The following UPF2 variants were observed in gnomAD, a reference collection of about 807,000 sequenced individuals.
The protein encoded by UPF2 is UPF2 regulator of nonsense mediated mRNA decay.
UPF2 carries 17 observed loss-of-function variants against 141.4 expected under a neutral mutation model. The ratio of observed to expected loss-of-function variants is 0.12; its 90% confidence interval spans 0.08 to 0.18. UPF2 has a LOEUF of 0.18. Ranked by LOEUF, UPF2 falls within the 10% of genes least tolerant of loss-of-function variation. The pLI is 1.00. For synonymous variants in UPF2, 540 were observed against 498.0 expected (o/e 1.08, Z -1.12); for missense variants, 1,152 against 1,515.9 (o/e 0.76, Z 3.99).
At chr10:11,960,071 G>A (rs182824406) in intron 11 of UPF2, among the ~76,000 whole-genome samples, 439 of 152,150 alleles carry the variant, frequency 2.9e-3, no homozygotes, top group East Asian at 7.1e-3. Flanking sequence ...CTGACATTTC[G>A]AATTGGATAA....
chr10:12,003,198 C>T (rs1441216607), intron 5 of UPF2, among the ~76,000 whole-genome samples: 1 of 152,214 alleles, frequency 6.6e-6, no homozygotes, highest in Admixed American at 6.5e-5. Context: ...CTCCTGCCCA[C>T]ATGGAGCATG....
intron 4 of UPF2, among the ~76,000 whole-genome samples, chr10:12,007,730 C>A (rs985640934): frequency 2.6e-5 from 4 of 151,594 alleles, no homozygotes; most frequent in African/African-American, 9.7e-5. Context: ...ACTCAGGAGA[C>A]TGAGGCAGGA....
chr10:12,005,219 C>T (rs1273607640), intron 4 of UPF2, among the ~76,000 whole-genome samples: 1 of 151,958 alleles, frequency 6.6e-6, no homozygotes, highest in Non-Finnish European at 1.5e-5. Context: ...AGCATCCCTC[C>T]TTTTGGCATA....
rs763440674 is a variant in UPF2, at chr10:11,959,853, A to G, written c.2185-497T>C. On this transcript the variant is annotated intron_variant, in intron 11 of 21. Coordinates refer to ENST00000357604, the MANE Select transcript of UPF2 (RefSeq NM_015542.4). This position sits in a 1 kb window ranked among gnomAD's most constrained non-coding sequence, Gnocchi z 5.9. Reference sequence around the variant, plus strand: ...AGAGCATGTAAGCATACTAACTGTTATACTACTTATCATTTTTAGAACATA... The same window carrying G: ...AGAGCATGTAAGCATACTAACTGTTGTACTACTTATCATTTTTAGAACATA... Among the ~76,000 whole-genome samples, 1 of 152,226 alleles carries G rather than the reference A, an allele frequency of 6.6e-6. No individual in the cohort carries two copies. Among genetic ancestry groups the G allele is most frequent in the Non-Finnish European group, 1.5e-5 (1 of 68,034 alleles).
chr10:12,000,345 A>C (rs1316059913), intron 6 of UPF2, among the ~76,000 whole-genome samples: 1 of 152,164 alleles, frequency 6.6e-6, no homozygotes, highest in Non-Finnish European at 1.5e-5. Context: ...AGCACTCCCA[A>C]TTCTTGCCTT....
Position 11,953,894 on chromosome 10 carries a change from C to CA in UPF2, c.2850+1337dup, listed in dbSNP as rs1408025708. The stretch of plus-strand genomic sequence containing the variant: ...TATTTACCCCCAACTTAACACACGC[C>CA]ACCATGTGGATGTATTTTTGATACT... On this transcript the variant is annotated intron_variant, in intron 14 of 21. Transcript: ENST00000357604. The surrounding 1 kb of genome is among the most constrained non-coding windows in gnomAD (Gnocchi z 5.0). Among the ~76,000 whole-genome samples, 3 of 152,194 alleles carry CA rather than the reference C, an allele frequency of 2.0e-5. No individual in the cohort carries two copies. Among genetic ancestry groups the CA allele is most frequent in the Non-Finnish European group, 4.4e-5 (3 of 68,036 alleles).
chr10:11,954,931 T>C (rs1393616685), intron 14 of UPF2, among the ~76,000 whole-genome samples: 2 of 151,754 alleles, frequency 1.3e-5, no homozygotes, highest in African/African-American at 4.8e-5. Context: ...AATAAATTAC[T>C]GTATTAAATA....
chr10:11,938,842 G>GTTTTTTTTTTGTT (rs1378434129), intron 18 of UPF2, among the ~76,000 whole-genome samples: 6 of 45,860 alleles, frequency 1.3e-4, no homozygotes, highest in Admixed American at 2.4e-4. Context: ...TCTTAAGCAA[G>GTTTTTTTTTTGTT]TTTTTTTTTT....
Position 11,992,586 on chromosome 10 carries a change from A to G in UPF2, c.1844+5086T>C, listed in dbSNP as rs571587328. Among the ~76,000 whole-genome samples, 9 of 152,264 alleles carry G rather than the reference A, an allele frequency of 5.9e-5. No homozygotes were observed. Among genetic ancestry groups the G allele is most frequent in the South Asian group, 4.1e-4 (2 of 4,826 alleles). On this transcript the variant is annotated intron_variant, in intron 8 of 21. Coordinates refer to ENST00000357604, the MANE Select transcript of UPF2 (RefSeq NM_015542.4). The surrounding 1 kb of genome is among the most constrained non-coding windows in gnomAD (Gnocchi z 4.1). Reference sequence around the variant, plus strand: ...AAACATACACTCATGCGTGCACACTAAATTAAAAAATATAAAAGACCACAT... The same window carrying G: ...AAACATACACTCATGCGTGCACACTGAATTAAAAAATATAAAAGACCACAT...
chr10:12,027,116 A>G (rs1834432774), intron 3 of UPF2, among the ~76,000 whole-genome samples: 1 of 152,208 alleles, frequency 6.6e-6, no homozygotes, highest in African/African-American at 2.4e-5. Flanking sequence ...GGGAAGTTAA[A>G]TTTCCACCTG....
rs777530679 is a variant in UPF2, at chr10:11,980,808, A to G, written c.1845-1643T>C. ...AAAATGTTTGATGGTCAGGGAAAAAAACACATAATTCGATCTGGAAAGCTC... is the reference window on the plus strand; with the variant it reads ...AAAATGTTTGATGGTCAGGGAAAAAGACACATAATTCGATCTGGAAAGCTC... On this transcript the variant is annotated intron_variant, in intron 8 of 21. Coordinates refer to ENST00000357604, the MANE Select transcript of UPF2 (RefSeq NM_015542.4). The surrounding 1 kb of genome is among the most constrained non-coding windows in gnomAD (Gnocchi z 4.2). Among the ~76,000 whole-genome samples, 12 of 152,200 alleles carry G rather than the reference A, an allele frequency of 7.9e-5. No homozygotes were observed. Among genetic ancestry groups the G allele is most frequent in the South Asian group, 2.1e-4 (1 of 4,830 alleles).
rs60922532 is a variant in UPF2, at chr10:11,994,975, C to CAAAAAAAAAAAAAAAA, written c.1844+2681_1844+2696dup. Among the ~76,000 whole-genome samples the CAAAAAAAAAAAAAAAA allele has an allele frequency of 5.6e-4, 29 of 51,354 alleles. 2 individuals carry two copies. Among genetic ancestry groups the CAAAAAAAAAAAAAAAA allele is most frequent in the South Asian group, 1.0e-3 (1 of 1,004 alleles). 33.7% of individuals were successfully genotyped at this position (51,354 alleles called of 152,430 possible). The stretch of plus-strand genomic sequence containing the variant: ...TGGGCAACAGAGTGAGACTCCATCT[C>CAAAAAAAAAAAAAAAA]AAAAAAAAAAAAAAAAAAAAAAAAA... On this transcript the variant is annotated intron_variant, in intron 8 of 21. Coordinates refer to ENST00000357604, the MANE Select transcript of UPF2 (RefSeq NM_015542.4).
rs41291279 is a variant in UPF2, at chr10:11,921,011, C to A, written c.*287G>T. ...CTCCTTGGTGTAACTGCTCAGTAGT[C>A]AAGTGAACCATCTCATTTCTTGACT... On this transcript the variant is annotated 3_prime_UTR_variant, in exon 22 of 22. Coordinates refer to ENST00000357604, the MANE Select transcript of UPF2 (RefSeq NM_015542.4). This position sits in a 1 kb window ranked among gnomAD's most constrained non-coding sequence, Gnocchi z 5.9. 5 of 661,848 alleles carry A rather than the reference C, an allele frequency of 7.6e-6. No homozygotes were observed. Among genetic ancestry groups the A allele is most frequent in the Non-Finnish European group, 1.2e-5 (4 of 343,420 alleles). 41.0% of individuals were successfully genotyped at this position (661,848 alleles called of 1,614,324 possible).
rs1319675173 is a variant in UPF2 at position 11,948,361 on chromosome 10, G to C, written c.3174+8C>G. 1 of 1,563,784 alleles carries C rather than the reference G, an allele frequency of 6.4e-7. No individual in the cohort carries two copies. Among genetic ancestry groups the C allele is most frequent in the African/African-American group, 1.4e-5 (1 of 73,488 alleles). On this transcript the variant is annotated splice_region_variant and intron_variant, in intron 16 of 21. Transcript: ENST00000357604. ...GTACTCTATGTTGCTACATATAAAAGTCATCACCTCTTCTTCTGGCTCATT... is the reference window on the plus strand; with the variant it reads ...GTACTCTATGTTGCTACATATAAAACTCATCACCTCTTCTTCTGGCTCATT...
At chr10:11,981,954 G>GATTACAGGT (rs1027544575) in intron 8 of UPF2, among the ~76,000 whole-genome samples, 1 of 152,016 alleles carries the variant, frequency 6.6e-6, no homozygotes, top group African/African-American at 2.4e-5. Context: ...AAAGTGCTGG[G>GATTACAGGT]ATTACAGGTG....
intron 12 of UPF2, among the ~76,000 whole-genome samples, chr10:11,957,539 G>A (rs941007890): frequency 6.6e-6 from 1 of 151,628 alleles, no homozygotes; most frequent in African/African-American, 2.4e-5. Context: ...TTCTTGAGAT[G>A]GAGTCTCGCT....
chr10:11,997,325 T>C (rs1481934125), intron 8 of UPF2, among the ~76,000 whole-genome samples: 1 of 152,162 alleles, frequency 6.6e-6, no homozygotes, highest in Non-Finnish European at 1.5e-5. Flanking sequence ...CCCTCATCTT[T>C]GCACAAAATA....
At chr10:11,991,589 T>G (rs1833781044) in intron 8 of UPF2, among the ~76,000 whole-genome samples, 1 of 152,116 alleles carries the variant, frequency 6.6e-6, no homozygotes, top group Non-Finnish European at 1.5e-5. Flanking sequence ...AAAAAATTAT[T>G]TGGGCAGCCA....
At chr10:12,027,334 C>G (rs1003974366) in intron 3 of UPF2, among the ~76,000 whole-genome samples, 4 of 152,198 alleles carry the variant, frequency 2.6e-5, no homozygotes, top group African/African-American at 9.6e-5. Flanking sequence ...CAATCAAAAG[C>G]AAATACACAC....
Sources: gnomAD v4.1 joint callset for allele counts (sites outside exome capture counted in the v4.1 genomes callset) on GRCh38, gnomAD v4.1.1 for gene constraint, Gnocchi (gnomAD v3.1) non-coding constraint, MANE v1.5 for transcripts, NCBI Gene and HGNC (gene_info 2026-07-23, HGNC 2026-07-21) for gene names.